The following CD82 variants were observed in gnomAD, a reference collection of about 807,000 sequenced individuals.
CD82 encodes the protein CD82 molecule.
A neutral mutation model predicts 37.4 loss-of-function variants in CD82; 36 were observed. The observed-to-expected ratio is 0.96, with a 90% CI of 0.74 to 1.27. The LOEUF (loss-of-function observed/expected upper bound fraction) is 1.27. Among genes scored for constraint, CD82 ranks in the 50% most tolerant of loss-of-function variants. The probability of loss-of-function intolerance (pLI) is 0.00; values close to 1 mark genes in which losing one functional copy is unlikely to be tolerated. For synonymous variants in CD82, 158 were observed against 137.4 expected (o/e 1.15, Z -1.05); for missense variants, 340 against 347.0 (o/e 0.98, Z 0.16).
At chr11:44,617,560 GAAAAAAAAA>G (rs35015542) in intron 7 of CD82, among the ~76,000 whole-genome samples, 1 of 88,656 alleles carries the variant, frequency 1.1e-5, no homozygotes, top group African/African-American at 4.6e-5. Context: ...CTCTGTCTCA[GAAAAAAAAA>G]AAAAAAAAAA....
intron 7 of CD82, among the ~76,000 whole-genome samples, chr11:44,617,910 G>A (rs1056166985): frequency 2.0e-5 from 3 of 152,202 alleles, no homozygotes; most frequent in African/African-American, 4.8e-5. Flanking sequence ...ACTGTCTGCC[G>A]TCCATTCTCC....
At position 44,605,111 on chromosome 11, in the gene CD82, G is replaced by T. The variant is rs1165792740; in HGVS notation, c.190G>T (p.Ala64Ser). 2 of 1,614,204 alleles carry T rather than the reference G, an allele frequency of 1.2e-6. No homozygotes were observed. Among genetic ancestry groups the T allele is most frequent in the Admixed American group, 1.7e-5 (1 of 60,028 alleles). Residue 64 changes from alanine to serine, a missense_variant, in exon 5 of 10, where the codon GCA (alanine) becomes TCA (serine). Ala to Ser is a moderately conservative substitution (Grantham distance 99, BLOSUM62 1). Coordinates refer to ENST00000227155, the MANE Select transcript of CD82 (RefSeq NM_002231.4). Reference protein sequence around the residue: ...MGAYVFIGVGAVTMLMGFLGC... With the variant: ...MGAYVFIGVGSVTMLMGFLGC... The stretch of plus-strand genomic sequence containing the variant: ...GGCCTATGTCTTCATCGGCGTGGGG[G>T]CAGTCACTATGCTCATGGGCTTCCT...
chr11:44,618,386 C>T (rs368393838), intron 8 of CD82, 21 bp downstream of exon 8: 276 of 1,603,796 alleles, frequency 1.7e-4, no homozygotes, highest in Middle Eastern at 1.4e-3. Context: ...GGCTGCGGAT[C>T]GGGGGCGGGG....
chr11:44,611,303 C>T (rs1167057968), intron 6 of CD82, among the ~76,000 whole-genome samples: 1 of 152,214 alleles, frequency 6.6e-6, no homozygotes, highest in Non-Finnish European at 1.5e-5. Flanking sequence ...CTGCTGCTGT[C>T]CCTATTCACC....
At chr11:44,570,869 A>T (rs1020984374) in intron 1 of CD82, among the ~76,000 whole-genome samples, 1 of 152,028 alleles carries the variant, frequency 6.6e-6, no homozygotes, top group African/African-American at 2.4e-5. Flanking sequence ...TCCTGTGGGG[A>T]CTCAAGCTGG....
intron 1 of CD82, among the ~76,000 whole-genome samples, chr11:44,573,594 G>A (rs1359612052): frequency 6.6e-6 from 1 of 152,202 alleles, no homozygotes; most frequent in African/African-American, 2.4e-5. Context: ...CCATCCGAAA[G>A]CCCCTCTTAT....
In CD82 at chr11:44,600,298, C is replaced by T. The variant is rs1323636244; in HGVS notation, c.136+68C>T. Reference sequence around the variant, plus strand: ...GGGGAGGGCCAGGGCGCAGATACAGCTGCTCCCATAAGTGCTTCGGCTTCA... The same window carrying T: ...GGGGAGGGCCAGGGCGCAGATACAGTTGCTCCCATAAGTGCTTCGGCTTCA... On this transcript the variant is annotated intron_variant, in intron 4 of 9. Transcript: ENST00000227155. 5 of 1,448,046 alleles carry T rather than the reference C, an allele frequency of 3.5e-6. No individual in the cohort carries two copies. The East Asian group carries it at 6.8e-5, about 20-fold the overall frequency. The allele number at this position is 1,448,046 out of a possible 1,614,324, so 89.7% of individuals were successfully genotyped here. A position where few individuals can be genotyped will look rare whatever the true frequency, so the allele number is the denominator to read the frequency against.
chr11:44,569,903 T>C (rs919585327), intron 1 of CD82, among the ~76,000 whole-genome samples: 2 of 152,210 alleles, frequency 1.3e-5, no homozygotes, highest in African/African-American at 2.4e-5. Context: ...CATGACTTCA[T>C]AGGTCATGAG....
intron 6 of CD82, among the ~76,000 whole-genome samples, chr11:44,607,793 T>C (rs1565092770): frequency 6.6e-6 from 1 of 152,332 alleles, no homozygotes; most frequent in East Asian, 1.9e-4. Context: ...CCAAGGCCCA[T>C]GCCTCCCTAT....
chr11:44,609,120 T>C lies in CD82; in HGVS notation c.336+3691T>C, dbSNP rs137862526. Among the ~76,000 whole-genome samples the C allele has an allele frequency of 5.0e-3, 755 of 152,266 alleles. 2 individuals are homozygous for C. The highest frequency in any genetic ancestry group is 0.02 in the Middle Eastern group (6 of 294). The stretch of plus-strand genomic sequence containing the variant: ...CGGTGCTAAGATCCTCATCTGCTTG[T>C]TTATCCAGCCTCTGGTGAGCAGAGC... On this transcript the variant is annotated intron_variant, in intron 6 of 9. Transcript: ENST00000227155.
chr11:44,581,664 G>A (rs1175380466), intron 1 of CD82, among the ~76,000 whole-genome samples: 4 of 152,310 alleles, frequency 2.6e-5, no homozygotes, highest in East Asian at 3.9e-4. Flanking sequence ...GTGGGGATTC[G>A]GTGAACTGCA....
intron 6 of CD82, among the ~76,000 whole-genome samples, chr11:44,614,664 G>A (rs1326355037): frequency 2.6e-5 from 4 of 152,078 alleles, no homozygotes; most frequent in South Asian, 2.1e-4. Flanking sequence ...CCGGGGAGGG[G>A]TGGTTGATTG....
chr11:44,610,421 A>G (rs1853463798), intron 6 of CD82, among the ~76,000 whole-genome samples: 1 of 152,250 alleles, frequency 6.6e-6, no homozygotes, highest in South Asian at 2.1e-4. Context: ...CATCGCAGGG[A>G]GCATTTAAGC....
intron 6 of CD82, among the ~76,000 whole-genome samples, chr11:44,610,936 G>A (rs1180275455): frequency 2.0e-5 from 3 of 152,090 alleles, no homozygotes; most frequent in African/African-American, 4.8e-5. Flanking sequence ...CTGGGCTCAG[G>A]TGATCCTCCT....
rs188433671 is a variant in CD82 at position 44,614,400 on chromosome 11, G to A, written c.337-872G>A. On this transcript the variant is annotated intron_variant, in intron 6 of 9. Coordinates refer to ENST00000227155, the MANE Select transcript of CD82 (RefSeq NM_002231.4). ...AAGGATTCACCAAGAAGTTGCATGG[G>A]TCTGGCTCTGGTGCCTGGCAGACCA... 1.2e-3 allele frequency among the ~76,000 whole-genome samples: 176 copies of A among 152,350 alleles called. 2 individuals are homozygous for A. The Middle Eastern group carries it at 0.017, about 15-fold the overall frequency.
At chr11:44,586,655 T>A (rs1401442302) in intron 1 of CD82, among the ~76,000 whole-genome samples, 1 of 152,166 alleles carries the variant, frequency 6.6e-6, no homozygotes, top group Non-Finnish European at 1.5e-5. Context: ...AGTGAGGTCC[T>A]GTCTCAACAA....
intron 1 of CD82, among the ~76,000 whole-genome samples, chr11:44,567,731 C>T (rs753430452): frequency 1.2e-4 from 18 of 152,132 alleles, no homozygotes; most frequent in Admixed American, 9.8e-4. Context: ...TGACAAGCGA[C>T]CACATAAGGC....
chr11:44,567,352 G>A (rs1472949049), intron 1 of CD82, among the ~76,000 whole-genome samples: 5 of 152,074 alleles, frequency 3.3e-5, no homozygotes, highest in African/African-American at 1.2e-4. Flanking sequence ...GGACAGAGAC[G>A]GACTGGCGGC....
At position 44,618,734 on chromosome 11, in the gene CD82, C is replaced by T. The variant is rs1484805057; in HGVS notation, c.726+11C>T. Reference sequence around the variant, plus strand: ...GTGGCCATCATCGAGGTCTGAGCCCCCTCCCCCATCCCTTCTCCATCCCAG... The same window carrying T: ...GTGGCCATCATCGAGGTCTGAGCCCTCTCCCCCATCCCTTCTCCATCCCAG... On this transcript the variant is annotated intron_variant, in intron 9 of 9. Coordinates refer to ENST00000227155, the MANE Select transcript of CD82 (RefSeq NM_002231.4). The T allele has an allele frequency of 6.2e-7, 1 of 1,606,080 alleles. No homozygotes were observed. The highest frequency in any genetic ancestry group is 1.1e-5 in the South Asian group (1 of 90,782).
Sources: allele counts gnomAD v4.1 joint callset (sites outside exome capture counted in the v4.1 genomes callset), GRCh38; gene constraint gnomAD v4.1.1; transcripts MANE v1.5; gene names NCBI Gene and HGNC (gene_info 2026-07-23, HGNC 2026-07-21).